Variants in SPIDR observed in about 807,000 individuals in gnomAD.
SPIDR encodes the protein scaffold protein involved in DNA repair, also known as DNA repair-scaffolding protein.
SPIDR carries 93 observed loss-of-function variants against 104.6 expected under a neutral mutation model. That is an observed-to-expected ratio of 0.89 (90% CI 0.75 to 1.06). The LOEUF is 1.06. SPIDR is among the 50% of genes least tolerant of loss of function. The pLI is 0.00. For missense variants in SPIDR, 1,154 were observed against 1,111.2 expected, an observed-to-expected ratio of 1.04 and a Z score of -0.55; for synonymous variants, 431 against 416.9, an observed-to-expected ratio of 1.03 and a Z score of -0.41.
chr8:47,523,799 A>G (rs1245508188), intron 8 of SPIDR, among the ~76,000 whole-genome samples: 1 of 152,214 alleles, frequency 6.6e-6, no homozygotes, highest in Non-Finnish European at 1.5e-5. Flanking sequence ...TCCTCAGGAA[A>G]ACAGAAGTGT....
intron 5 of SPIDR, among the ~76,000 whole-genome samples, chr8:47,354,239 G>C (rs1554624237): frequency 6.6e-6 from 1 of 152,062 alleles, no homozygotes; most frequent in African/African-American, 2.4e-5. Context: ...CAAAAATATA[G>C]TGTTTGATAA....
chr8:47,727,905 T>C (rs2084524864), intron 17 of SPIDR, among the ~76,000 whole-genome samples: 1 of 150,148 alleles, frequency 6.7e-6, no homozygotes, highest in Non-Finnish European at 1.5e-5. Flanking sequence ...GATCATAAGG[T>C]AAGGAGATCC....
chr8:47,411,702 T>G (rs542897448), intron 7 of SPIDR, among the ~76,000 whole-genome samples: 61 of 152,344 alleles, frequency 4.0e-4, no homozygotes, highest in African/African-American at 1.4e-3. Context: ...CCATTGCTTT[T>G]GGTGTTTTAG....
intron 1 of SPIDR, among the ~76,000 whole-genome samples, chr8:47,276,313 A>G (rs1419124249): frequency 2.0e-5 from 3 of 152,256 alleles, no homozygotes; most frequent in African/African-American, 7.2e-5. Flanking sequence ...GCAGTATACA[A>G]TATCGCTTGT....
chr8:47,700,778 C>T (rs1024394099), intron 12 of SPIDR, among the ~76,000 whole-genome samples: 1 of 152,218 alleles, frequency 6.6e-6, no homozygotes, highest in Non-Finnish European at 1.5e-5. Flanking sequence ...ACTGTTGGAA[C>T]AGTTGGGGTC....
At chr8:47,290,529 A>G (rs1434431616) in intron 3 of SPIDR, among the ~76,000 whole-genome samples, 2 of 152,204 alleles carry the variant, frequency 1.3e-5, no homozygotes, top group African/African-American at 4.8e-5. Flanking sequence ...ACAACTATAT[A>G]TGAATCTAAT....
At chr8:47,730,746 A>G (rs1478169779) in intron 19 of SPIDR, among the ~76,000 whole-genome samples, 1 of 152,020 alleles carries the variant, frequency 6.6e-6, no homozygotes, top group African/African-American at 2.4e-5. Flanking sequence ...GACCTGTCCT[A>G]TGGAGACTCC....
At chr8:47,674,694 G>T (rs1004363901) in intron 11 of SPIDR, among the ~76,000 whole-genome samples, 5 of 152,192 alleles carry the variant, frequency 3.3e-5, no homozygotes, top group African/African-American at 1.2e-4. Context: ...AGTTCTGAGT[G>T]TATGATATTC....
chr8:47,669,021 A>G (rs921058216), intron 10 of SPIDR, among the ~76,000 whole-genome samples: 7 of 152,324 alleles, frequency 4.6e-5, no homozygotes, highest in African/African-American at 1.7e-4. Flanking sequence ...AATGACTTCA[A>G]TGCTCACAAC....
intron 8 of SPIDR, among the ~76,000 whole-genome samples, chr8:47,507,098 G>A (rs1016915874): frequency 4.6e-5 from 7 of 152,258 alleles, no homozygotes; most frequent in East Asian, 1.9e-4. Flanking sequence ...GATGGACACC[G>A]TATCTGTCTT....
At chr8:47,364,118 T>A (rs1313611221) in intron 5 of SPIDR, among the ~76,000 whole-genome samples, 1 of 152,192 alleles carries the variant, frequency 6.6e-6, no homozygotes, top group Admixed American at 6.5e-5. Flanking sequence ...TTCAGCTAAA[T>A]AGGAAATAAA....
intron 8 of SPIDR, among the ~76,000 whole-genome samples, chr8:47,528,981 C>T (rs898806753): frequency 3.1e-4 from 47 of 152,282 alleles, no homozygotes; most frequent in African/African-American, 1.1e-3. Context: ...GCATATCATA[C>T]TTAACCTGCA....
chr8:47,380,535 G>A (rs1458876074), intron 5 of SPIDR, among the ~76,000 whole-genome samples: 2 of 151,954 alleles, frequency 1.3e-5, no homozygotes. Context: ...CCTTTCTTGA[G>A]CCTCGTGATT....
intron 8 of SPIDR, among the ~76,000 whole-genome samples, chr8:47,518,377 A>G (rs186789133): frequency 1.8e-3 from 267 of 152,320 alleles, no homozygotes; most frequent in Middle Eastern, 0.01. Flanking sequence ...GGCTTCACCT[A>G]ATTATCTCTG....
chr8:47,604,267 G>C (rs1309134877), intron 10 of SPIDR, among the ~76,000 whole-genome samples: 1 of 152,006 alleles, frequency 6.6e-6, no homozygotes, highest in Non-Finnish European at 1.5e-5. Flanking sequence ...TCACAGAAGA[G>C]AGAATACCTT....
intron 8 of SPIDR, among the ~76,000 whole-genome samples, chr8:47,491,833 A>G (rs1395007848): frequency 2.0e-5 from 3 of 152,158 alleles, no homozygotes; most frequent in Non-Finnish European, 4.4e-5. Flanking sequence ...TGGGCAACAT[A>G]GTGAGACCCT....
intron 8 of SPIDR, among the ~76,000 whole-genome samples, chr8:47,512,584 T>A (rs1046762878): frequency 2.0e-5 from 3 of 152,172 alleles, no homozygotes; most frequent in African/African-American, 7.2e-5. Flanking sequence ...TGCTGGAGGC[T>A]GGAGCTTCCC....
At chr8:47,306,614 A>G (rs979609438) in intron 5 of SPIDR, among the ~76,000 whole-genome samples, 4 of 152,184 alleles carry the variant, frequency 2.6e-5, no homozygotes, top group African/African-American at 9.7e-5. Context: ...TGTCAGATCT[A>G]GTTGGTTATT....
intron 5 of SPIDR, among the ~76,000 whole-genome samples, chr8:47,365,263 A>G (rs188438674): frequency 8.0e-4 from 122 of 152,252 alleles, no homozygotes; most frequent in Admixed American, 2.8e-3. Context: ...ATGAGAAAGG[A>G]TGGAAGCCTC....
Sources: allele counts gnomAD v4.1 joint callset (sites outside exome capture counted in the v4.1 genomes callset), GRCh38; gene constraint gnomAD v4.1.1; transcripts MANE v1.5; gene names NCBI Gene and HGNC (gene_info 2026-07-23, HGNC 2026-07-21).